The following TTLL7 variants were observed in gnomAD, a reference collection of about 807,000 sequenced individuals.
TTLL7 encodes tubulin polyglutamylase TTLL7.
A neutral mutation model predicts 120.2 loss-of-function variants in TTLL7; 53 were observed. The observed-to-expected ratio is 0.44, with a 90% confidence interval of 0.35 to 0.55. The LOEUF (loss-of-function observed/expected upper bound fraction) is 0.55. Ranked by LOEUF, TTLL7 falls within the 20% of genes least tolerant of loss-of-function variation. TTLL7 has a pLI of 0.00. For synonymous variants in TTLL7, 353 were observed against 351.7 expected, an observed-to-expected ratio of 1.00 and a Z score of -0.04; for missense variants, 803 against 1,054.7, an observed-to-expected ratio of 0.76 and a Z score of 3.31.
chr1:83,900,650 G>C, intron 18 of TTLL7, among the ~76,000 whole-genome samples: 1 of 152,026 alleles, frequency 6.6e-6, no homozygotes, highest in East Asian at 1.9e-4. Flanking sequence ...CCTTTCCATG[G>C]AGATGCCTTA....
intron 17 of TTLL7, among the ~76,000 whole-genome samples, chr1:83,905,404 T>A (rs1043853380): frequency 6.6e-6 from 1 of 151,824 alleles, no homozygotes; most frequent in East Asian, 1.9e-4. Flanking sequence ...GTTTGCTTTT[T>A]GTTTCTACAC....
chr1:83,948,184 A>AACAC (rs35199174), intron 5 of TTLL7, among the ~76,000 whole-genome samples: 50,531 of 147,300 alleles, frequency 0.34, 9,811 homozygotes, highest in Non-Finnish European at 0.44. Context: ...GACACACACA[A>AACAC]ACACACACAC....
chr1:83,903,939 T>C, intron 18 of TTLL7, 140 bp downstream of exon 18: 1 of 693,738 alleles, frequency 1.4e-6, no homozygotes, highest in East Asian at 2.8e-5. Context: ...GCCTGACACA[T>C]AATAGATACT....
chr1:83,958,183 C>T (rs1363135268), intron 1 of TTLL7, among the ~76,000 whole-genome samples: 1 of 152,058 alleles, frequency 6.6e-6, no homozygotes, highest in East Asian at 1.9e-4. Flanking sequence ...CTTCAAAACC[C>T]TAAAAGATAG....
At chr1:83,943,523 G>A (rs957666607) in intron 6 of TTLL7, among the ~76,000 whole-genome samples, 1 of 152,230 alleles carries the variant, frequency 6.6e-6, no homozygotes, top group East Asian at 1.9e-4. Context: ...GAGCTTTTTT[G>A]TTGTTTGTTT....
chr1:83,918,317 C>T (rs987154952), intron 13 of TTLL7, among the ~76,000 whole-genome samples: 4 of 152,056 alleles, frequency 2.6e-5, no homozygotes, highest in Non-Finnish European at 5.9e-5. Context: ...TATTCTGAAT[C>T]AAAAGGAAAT....
chr1:83,916,728 GA>G (rs895858415), intron 14 of TTLL7, among the ~76,000 whole-genome samples: 18 of 151,084 alleles, frequency 1.2e-4, no homozygotes, highest in South Asian at 1.0e-3. Flanking sequence ...GGAATAGAAT[GA>G]AAAAAAAATC....
At chr1:83,915,974 T>C (rs1296214808) in intron 14 of TTLL7, among the ~76,000 whole-genome samples, 1 of 152,068 alleles carries the variant, frequency 6.6e-6, no homozygotes, top group Non-Finnish European at 1.5e-5. Flanking sequence ...TGGCCATCAG[T>C]AAAAAGTCAG....
chr1:83,887,997 G>A (rs977846932), intron 19 of TTLL7, among the ~76,000 whole-genome samples: 2 of 151,986 alleles, frequency 1.3e-5, no homozygotes, highest in Non-Finnish European at 2.9e-5. Context: ...CTGGCAGGCA[G>A]TATTGTGCCA....
chr1:83,873,210 T>A (rs1298149126), intron 20 of TTLL7, among the ~76,000 whole-genome samples: 1 of 152,128 alleles, frequency 6.6e-6, no homozygotes, highest in Non-Finnish European at 1.5e-5. Flanking sequence ...AAGTTCGGCA[T>A]GAACTAAAAA....
chr1:83,921,195 ACAAGTG>A (rs1658623921), intron 11 of TTLL7, 35 bp from the exon 12 acceptor site: 2 of 1,609,242 alleles, frequency 1.2e-6, no homozygotes, highest in African/African-American at 2.7e-5. Flanking sequence ...ATAAAATCCA[ACAAGTG>A]AATTATGCAA....
At chr1:83,882,920 C>G in intron 20 of TTLL7, 43 bp downstream of exon 20, 1 of 1,583,762 alleles carries the variant, frequency 6.3e-7, no homozygotes, top group South Asian at 1.2e-5. Flanking sequence ...TTTAGCATTA[C>G]TTTACATAAA....
intron 19 of TTLL7, among the ~76,000 whole-genome samples, chr1:83,884,247 T>G (rs1270483877): frequency 6.6e-6 from 1 of 151,792 alleles, no homozygotes; most frequent in Non-Finnish European, 1.5e-5. Context: ...TTGGTAATGA[T>G]TCACATCTCA....
At chr1:83,883,888 C>G (rs111259699) in intron 19 of TTLL7, among the ~76,000 whole-genome samples, 8 of 152,060 alleles carry the variant, frequency 5.3e-5, no homozygotes, top group African/African-American at 9.6e-5. Flanking sequence ...AGCACAGGTT[C>G]TGTGTGCTAG....
At chr1:83,920,551 C>T (rs895326616) in intron 12 of TTLL7, 4 of 153,792 alleles carry the variant, frequency 2.6e-5, no homozygotes, top group Non-Finnish European at 4.3e-5. Flanking sequence ...CTCACACATT[C>T]CTTTATCCTG....
intron 9 of TTLL7, among the ~76,000 whole-genome samples, chr1:83,930,997 T>A (rs562591778): frequency 9.3e-5 from 14 of 151,160 alleles, no homozygotes; most frequent in African/African-American, 3.4e-4. Flanking sequence ...TTCAGGGTTG[T>A]TCTTGTTTTT....
intron 19 of TTLL7, among the ~76,000 whole-genome samples, chr1:83,885,833 T>C (rs976412797): frequency 4.6e-5 from 7 of 152,036 alleles, no homozygotes; most frequent in African/African-American, 1.4e-4. Context: ...CAAAGTTTTT[T>C]TAAAAGGTGA....
chr1:83,891,300 A>G (rs1461886198), intron 18 of TTLL7, among the ~76,000 whole-genome samples: 1 of 152,106 alleles, frequency 6.6e-6, no homozygotes, highest in Non-Finnish European at 1.5e-5. Flanking sequence ...AAAACATTAC[A>G]AACAGGCATT....
chr1:83,948,512 A>C, intron 5 of TTLL7, 116 bp downstream of exon 5: 520 of 573,854 alleles, frequency 9.1e-4, no homozygotes, highest in Middle Eastern at 1.4e-3. Context: ...CCAAAATTCT[A>C]TCACTCTCAT....
Sources: gnomAD v4.1 joint callset for allele counts (sites outside exome capture counted in the v4.1 genomes callset) on GRCh38, gnomAD v4.1.1 for gene constraint, MANE v1.5 for transcripts, NCBI Gene and HGNC (gene_info 2026-07-23, HGNC 2026-07-21) for gene names.